Variants in PTPRM observed in about 807,000 individuals in gnomAD.
PTPRM encodes protein tyrosine phosphatase receptor type M.
PTPRM carries 47 observed loss-of-function variants against 186.7 expected under a neutral mutation model. The observed-to-expected ratio is 0.25, with a 90% CI of 0.20 to 0.32. PTPRM has a LOEUF of 0.32. Ranked by LOEUF, PTPRM falls within the 10% of genes least tolerant of loss-of-function variation. PTPRM has a pLI of 1.00. For synonymous variants in PTPRM, 668 were observed against 674.9 expected, an observed-to-expected ratio of 0.99 and a Z score of 0.16; for missense variants, 1,494 against 1,865.0, an observed-to-expected ratio of 0.80 and a Z score of 3.66.
intron 1 of PTPRM, among the ~76,000 whole-genome samples, chr18:7,671,200 T>C (rs1315528184): frequency 6.6e-6 from 1 of 152,192 alleles, no homozygotes; most frequent in African/African-American, 2.4e-5. Context: ...GAGAGACAGG[T>C]AATTATATAC....
intron 2 of PTPRM, among the ~76,000 whole-genome samples, chr18:7,776,785 G>A (rs1000415070): frequency 1.3e-5 from 2 of 152,144 alleles, no homozygotes; most frequent in African/African-American, 4.8e-5. Flanking sequence ...AAAAGAATGT[G>A]GAGCTGTGCC....
intron 1 of PTPRM, among the ~76,000 whole-genome samples, chr18:7,655,259 G>A (rs2038820234): frequency 6.6e-6 from 1 of 152,068 alleles, no homozygotes; most frequent in South Asian, 2.1e-4. Context: ...ATCTCACCAA[G>A]TTGCCCAGGC....
chr18:8,091,216 G>T (rs72909817), intron 11 of PTPRM, among the ~76,000 whole-genome samples: 2 of 152,032 alleles, frequency 1.3e-5, no homozygotes, highest in Admixed American at 6.6e-5. Context: ...TCATCACTTT[G>T]TATTGCCTCA....
chr18:8,155,014 G>T lies in PTPRM; in HGVS notation c.2300+11235G>T, dbSNP rs1344289938. The T allele has an allele frequency of 1.3e-5, 2 of 152,150 alleles. 1 individual carries two copies. The highest frequency in any genetic ancestry group is 4.8e-5 in the African/African-American group (2 of 41,432). 9.4% of individuals were successfully genotyped at this position (152,150 alleles called of 1,614,324 possible). On this transcript the variant is annotated intron_variant, in intron 14 of 32. Transcript: ENST00000580170. Reference sequence around the variant, plus strand: ...GATTTGACATTTTGATGCAGCAAATGTTAAGAAAAGGTGTGAGATAAATGT... The same window carrying T: ...GATTTGACATTTTGATGCAGCAAATTTTAAGAAAAGGTGTGAGATAAATGT...
rs7505536 is a variant in PTPRM, at chr18:8,273,850, T to C, written c.2754+20436T>C. ...CAATTCAGAACTGATGGAAAAGCAG[T>C]TTGCTCAAAAGCCCCATATGGTTTG... On this transcript the variant is annotated intron_variant, in intron 19 of 32. Transcript: ENST00000580170. Among the ~76,000 whole-genome samples the C allele has an allele frequency of 4.4e-3, 669 of 152,298 alleles. 20 individuals are homozygous for C. The highest frequency in any genetic ancestry group is 0.038 in the Admixed American group (584 of 15,292).
chr18:8,042,260 A>T (rs1295221726), intron 7 of PTPRM, among the ~76,000 whole-genome samples: 1 of 152,196 alleles, frequency 6.6e-6, no homozygotes, highest in Non-Finnish European at 1.5e-5. Context: ...TACCAAATAT[A>T]AAAATCTGAA....
At chr18:8,124,854 A>G (rs2092288980) in intron 13 of PTPRM, among the ~76,000 whole-genome samples, 2 of 152,046 alleles carry the variant, frequency 1.3e-5, no homozygotes, top group Admixed American at 6.6e-5. Flanking sequence ...TTTTTTGTTC[A>G]TTTTGTTCTA....
intron 1 of PTPRM, among the ~76,000 whole-genome samples, chr18:7,575,934 A>C (rs562893726): frequency 6.6e-6 from 1 of 152,350 alleles, no homozygotes; most frequent in South Asian, 2.1e-4. Flanking sequence ...TTGGGTTAGA[A>C]GTCAGGGCAG....
chr18:7,799,324 C>T (rs996689240), intron 2 of PTPRM, among the ~76,000 whole-genome samples: 1 of 152,174 alleles, frequency 6.6e-6, no homozygotes, highest in Admixed American at 6.5e-5. Context: ...CCAATCATCT[C>T]CCAAGTGCCC....
chr18:8,011,868 A>C (rs2084550976), intron 7 of PTPRM, among the ~76,000 whole-genome samples: 1 of 152,248 alleles, frequency 6.6e-6, no homozygotes, highest in Admixed American at 6.5e-5. Context: ...AAAAGGAAAA[A>C]TACGAATTTA....
Position 7,568,214 on chromosome 18 carries a change from G to A in PTPRM, c.73+323G>A, listed in dbSNP as rs1335613593. Reference sequence around the variant, plus strand: ...GGCTTGCACTCTTGAGTCCCTGGCCGGCTGCAAAAGGAACAGCAGAAAACT... The same window carrying A: ...GGCTTGCACTCTTGAGTCCCTGGCCAGCTGCAAAAGGAACAGCAGAAAACT... On this transcript the variant is annotated intron_variant, in intron 1 of 32. Coordinates refer to ENST00000580170, the MANE Select transcript of PTPRM (RefSeq NM_001105244.2). The surrounding 1 kb of genome is among the most constrained non-coding windows in gnomAD (Gnocchi z 5.1). Among the ~76,000 whole-genome samples, 3 of 151,846 alleles carry A rather than the reference G, an allele frequency of 2.0e-5. No homozygotes were observed. Among genetic ancestry groups the A allele is most frequent in the South Asian group, 4.1e-4 (2 of 4,834 alleles).
chr18:7,764,901 G>A (rs768362787), intron 1 of PTPRM, among the ~76,000 whole-genome samples: 20 of 152,050 alleles, frequency 1.3e-4, no homozygotes, highest in African/African-American at 2.4e-4. Context: ...ACTCTCTCTC[G>A]TTTTCACTAT....
intron 2 of PTPRM, among the ~76,000 whole-genome samples, chr18:7,797,475 AGTTT>A (rs2043722586): frequency 6.6e-6 from 1 of 152,140 alleles, no homozygotes; most frequent in Non-Finnish European, 1.5e-5. Flanking sequence ...CTGACCCTTC[AGTTT>A]GTTTGTGTAA....
At chr18:7,806,532 T>C (rs893376291) in intron 2 of PTPRM, among the ~76,000 whole-genome samples, 1 of 151,958 alleles carries the variant, frequency 6.6e-6, no homozygotes, top group African/African-American at 2.4e-5. Flanking sequence ...CAATGAAAAA[T>C]TTTAAAAAAT....
intron 2 of PTPRM, among the ~76,000 whole-genome samples, chr18:7,803,440 G>T (rs1266409397): frequency 6.6e-6 from 1 of 152,046 alleles, no homozygotes; most frequent in African/African-American, 2.4e-5. Context: ...TGATTATGTG[G>T]AGCCCACCTG....
rs115410194 is a variant in PTPRM at position 8,193,661 on chromosome 18, G to A, written c.2300+49882G>A. On this transcript the variant is annotated intron_variant, in intron 14 of 32. Transcript: ENST00000580170. The stretch of plus-strand genomic sequence containing the variant: ...CAGAGAGCAGAACACAGTAGTGAGT[G>A]CACAGCTGGCAGCCTTCTGCTTTGA... 2.5e-3 allele frequency among the ~76,000 whole-genome samples: 378 copies of A among 152,318 alleles called. 1 individual carries two copies. The highest frequency in any genetic ancestry group is 8.2e-3 in the African/African-American group (341 of 41,574).
At chr18:7,647,366 A>G (rs2038590300) in intron 1 of PTPRM, among the ~76,000 whole-genome samples, 2 of 152,188 alleles carry the variant, frequency 1.3e-5, no homozygotes, top group Non-Finnish European at 2.9e-5. Flanking sequence ...TCTCACTAAT[A>G]TATTTCTGGG....
intron 7 of PTPRM, among the ~76,000 whole-genome samples, chr18:7,981,520 A>G (rs909923933): frequency 2.6e-4 from 39 of 152,110 alleles, no homozygotes; most frequent in African/African-American, 8.7e-4. Flanking sequence ...CCCAACCCCT[A>G]TACTTTTCCC....
chr18:8,193,591 G>A (rs887969567), intron 14 of PTPRM, among the ~76,000 whole-genome samples: 7 of 152,350 alleles, frequency 4.6e-5, no homozygotes, highest in Admixed American at 6.5e-5. Context: ...GGCCTCTCGC[G>A]CAGACTCAGG....
Sources: allele counts gnomAD v4.1 joint callset (sites outside exome capture counted in the v4.1 genomes callset), GRCh38; gene constraint gnomAD v4.1.1; non-coding constraint Gnocchi (gnomAD v3.1); transcripts MANE v1.5; gene names NCBI Gene and HGNC (gene_info 2026-07-23, HGNC 2026-07-21).